DAGLB: variants seen among roughly 807,000 people sequenced by gnomAD.
The protein encoded by DAGLB is diacylglycerol lipase-beta.
DAGLB carries 66 observed loss-of-function variants against 72.1 expected under a neutral mutation model. That is an observed-to-expected ratio of 0.92 (90% confidence interval 0.75 to 1.12). The LOEUF is 1.12. Ranked by LOEUF, DAGLB falls within the 50% of genes most tolerant of loss-of-function variation. DAGLB has a pLI of 0.00. For synonymous variants in DAGLB, 414 were observed against 359.5 expected (o/e 1.15, Z -1.71); for missense variants, 1,065 against 884.9 (o/e 1.20, Z -2.58).
intron 6 of DAGLB, among the ~76,000 whole-genome samples, chr7:6,428,386 T>C (rs1409011214): frequency 1.3e-5 from 2 of 149,536 alleles, no homozygotes; most frequent in Non-Finnish European, 3.0e-5. Context: ...ATCCTGGTAA[T>C]AAGTGATTCA....
At chr7:6,410,726 G>C (rs1212229366) in intron 13 of DAGLB, among the ~76,000 whole-genome samples, 1 of 152,072 alleles carries the variant, frequency 6.6e-6, no homozygotes, top group East Asian at 1.9e-4. Context: ...TTCCTTCCCT[G>C]AAAGGCATTA....
chr7:6,446,062 C>G lies in DAGLB; in HGVS notation c.138G>C (p.Lys46Asn). Residue 46 changes from lysine (K) to asparagine (N), a missense_variant, in exon 2 of 15, where the codon AAG becomes AAC. By Grantham distance (94) the Lys-to-Asn change is moderately conservative. Transcript: ENST00000297056. ...ILTLYLMHRG[K>N]LDCAGGALLS... The stretch of plus-strand genomic sequence containing the variant: ...GCAAGGCTCCACCAGCACAGTCCAG[C>G]TTTCCTCTGTGCATGAGATACAACG... The G allele has an allele frequency of 6.2e-7, 1 of 1,611,748 alleles. No individual in the cohort carries two copies. The highest frequency in any genetic ancestry group is 8.5e-7 in the Non-Finnish European group (1 of 1,179,376).
chr7:6,447,821 C>T lies in DAGLB; in HGVS notation c.22G>A (p.Gly8Ser), dbSNP rs758811466. Residue 8 changes from glycine to serine, a missense_variant, in exon 1 of 15, where the codon GGC becomes AGC. Transcript: ENST00000297056. ...TCGCTGGCGATGGCCCAGCGCCGGC[C>T]GAAGAGTACCATCCCCGGCATGGCG... MPGMVLFGRRWAIASDDL... is the reference protein window; with the variant it reads MPGMVLFSRRWAIASDDL... The T allele has an allele frequency of 1.9e-6, 3 of 1,612,710 alleles. No homozygotes were observed. In the Admixed American group the frequency reaches 5.0e-5, roughly 27 times the overall value.
chr7:6,409,853 C>A lies in DAGLB; in HGVS notation c.2003G>T (p.Ser668Ile), dbSNP rs375537082. 1.9e-6 allele frequency: 3 copies of A among 1,613,970 alleles called. No individual in the cohort carries two copies. The highest frequency in any genetic ancestry group is 2.2e-5 in the South Asian group (2 of 91,090). ...TGGCCCTGGTCAGGCCACGTCCACACTGGAGACCCCTTGTGCTGGACAGGA... is the reference window on the plus strand; with the variant it reads ...TGGCCCTGGTCAGGCCACGTCCACAATGGAGACCCCTTGTGCTGGACAGGA... Reference protein sequence around the residue: ...CVSCPAQGVSSVDVA With the variant: ...CVSCPAQGVSIVDVA Residue 668 changes from serine to isoleucine, a missense_variant, in exon 15 of 15, where the codon AGT becomes ATT. Transcript: ENST00000297056.
At chr7:6,420,523 C>T (rs576576087) in intron 9 of DAGLB, among the ~76,000 whole-genome samples, 12 of 151,846 alleles carry the variant, frequency 7.9e-5, no homozygotes, top group Non-Finnish European at 1.6e-4. Context: ...CCAGAAGAGA[C>T]GACTTATAGA....
intron 11 of DAGLB, chr7:6,416,282 G>A (rs1030317911): frequency 8.0e-5 from 15 of 186,484 alleles, no homozygotes; most frequent in African/African-American, 2.8e-4. Flanking sequence ...GGTGGCTCAC[G>A]CCTGTAATCC....
intron 2 of DAGLB, among the ~76,000 whole-genome samples, chr7:6,444,959 T>TCACTAG (rs1309041274): frequency 6.6e-6 from 1 of 151,778 alleles, no homozygotes; most frequent in South Asian, 2.1e-4. Context: ...CACTTCACAT[T>TCACTAG]CACTAGGATG....
chr7:6,412,454 ATTTTC>A (rs967114174), intron 13 of DAGLB, among the ~76,000 whole-genome samples: 9 of 150,746 alleles, frequency 6.0e-5, no homozygotes, highest in Admixed American at 1.3e-4. Context: ...CCTCCAGAGT[ATTTTC>A]TTTTCTTTTT....
Position 6,410,232 on chromosome 7 carries a change from T to G in DAGLB, c.1718A>C (p.Tyr573Ser), listed in dbSNP as rs1783674055. Reference sequence around the variant, plus strand: ...CAGTGGGGAGTCGCTGGAGAAGCTGTAGGCCGGGGACCAGCGCGTCAGTAG... The same window carrying G: ...CAGTGGGGAGTCGCTGGAGAAGCTGGAGGCCGGGGACCAGCGCGTCAGTAG... Reference protein sequence around the residue: ...QSLLTRWSPAYSFSSDSPLDS... With the variant: ...QSLLTRWSPASSFSSDSPLDS... The change falls in exon 14 of 15, where the codon TAC (tyrosine) becomes TCC (serine). Residue 573 changes from tyrosine (Y) to serine (S), a missense_variant. Physicochemically the swap from Tyr to Ser is moderately radical, Grantham distance 144 (BLOSUM62 -2). Coordinates refer to ENST00000297056, the MANE Select transcript of DAGLB (RefSeq NM_139179.4). The G allele has an allele frequency of 3.1e-6, 5 of 1,612,020 alleles. No homozygotes were observed. The highest frequency in any genetic ancestry group is 4.2e-6 in the Non-Finnish European group (5 of 1,179,072).
At chr7:6,446,446 C>A (rs1325912211) in intron 1 of DAGLB, among the ~76,000 whole-genome samples, 2 of 120,494 alleles carry the variant, frequency 1.7e-5, no homozygotes, top group Non-Finnish European at 3.2e-5. Context: ...TCACTGCACT[C>A]CAGCCTGGGC....
intron 2 of DAGLB, among the ~76,000 whole-genome samples, chr7:6,442,167 G>A (rs183638738): frequency 3.5e-4 from 54 of 152,206 alleles, no homozygotes; most frequent in Admixed American, 3.5e-3. Flanking sequence ...TCACCAATAC[G>A]TGAGCCCGGC....
At chr7:6,422,654 T>C (rs1294728283) in intron 8 of DAGLB, 1 of 152,942 alleles carries the variant, frequency 6.5e-6, no homozygotes, top group Non-Finnish European at 1.5e-5. Flanking sequence ...AAACACCGCA[T>C]GGTCTGATGC....
intron 2 of DAGLB, among the ~76,000 whole-genome samples, chr7:6,440,758 A>C (rs536544442): frequency 9.9e-5 from 15 of 152,120 alleles, no homozygotes; most frequent in African/African-American, 3.6e-4. Context: ...AATCCCAGTT[A>C]ATTGGGAGGC....
intron 9 of DAGLB, among the ~76,000 whole-genome samples, chr7:6,421,295 C>A (rs1474774858): frequency 1.6e-5 from 2 of 127,754 alleles, no homozygotes; most frequent in Admixed American, 8.1e-5. Context: ...CCTCCCAGGG[C>A]TGCTGTGAGA....
intron 9 of DAGLB, among the ~76,000 whole-genome samples, chr7:6,419,340 C>T (rs1355951426): frequency 6.6e-6 from 1 of 152,134 alleles, no homozygotes; most frequent in African/African-American, 2.4e-5. Flanking sequence ...TTTCTCTCTC[C>T]TGCGACGGCG....
intron 6 of DAGLB, among the ~76,000 whole-genome samples, chr7:6,429,275 T>C (rs780555392): frequency 1.3e-5 from 2 of 151,982 alleles, no homozygotes; most frequent in Non-Finnish European, 2.9e-5. Flanking sequence ...AACATAAATC[T>C]AATCATGGGG....
intron 6 of DAGLB, 42 bp from the exon 7 acceptor site, chr7:6,426,156 C>T: frequency 6.2e-7 from 1 of 1,609,094 alleles, no homozygotes; most frequent in Non-Finnish European, 8.5e-7. Flanking sequence ...AACAGAGCCA[C>T]TTGGCAAGGA....
intron 2 of DAGLB, among the ~76,000 whole-genome samples, chr7:6,440,866 C>T (rs1278211426): frequency 2.0e-5 from 3 of 152,064 alleles, no homozygotes; most frequent in Non-Finnish European, 4.4e-5. Context: ...AAAATTCCAT[C>T]TCAAAATCAA....
intron 2 of DAGLB, among the ~76,000 whole-genome samples, chr7:6,439,038 T>C (rs1784747237): frequency 6.6e-6 from 1 of 152,212 alleles, no homozygotes; most frequent in East Asian, 1.9e-4. Context: ...ATGGACTGTC[T>C]GAGCTCAGGA....
Sources: gnomAD v4.1 joint callset for allele counts (sites outside exome capture counted in the v4.1 genomes callset) on GRCh38, gnomAD v4.1.1 for gene constraint, MANE v1.5 for transcripts, NCBI Gene and HGNC (gene_info 2026-07-23, HGNC 2026-07-21) for gene names.